PSG4: variants seen among roughly 807,000 people sequenced by gnomAD.
The protein encoded by PSG4 is pregnancy-specific beta-1-glycoprotein 4.
A neutral mutation model predicts 44.3 loss-of-function variants in PSG4; 61 were observed. The ratio of observed to expected loss-of-function variants is 1.38; its 90% CI spans 1.12 to 1.70. PSG4 has a LOEUF of 1.70. Among genes scored for constraint, PSG4 ranks in the 40% most tolerant of loss-of-function variants. PSG4 has a pLI of 0.00. For missense variants in PSG4, 677 were observed against 511.7 expected (o/e 1.32, Z -3.12); for synonymous variants, 248 against 191.3 (o/e 1.30, Z -2.45).
At position 43,194,547 on chromosome 19, in the gene PSG4, A is replaced by C; in HGVS notation, c.1036T>G (p.Ser346Ala). 1.2e-6 allele frequency: 2 copies of C among 1,612,452 alleles called. No individual in the cohort carries two copies. The highest frequency in any genetic ancestry group is 1.7e-6 in the Non-Finnish European group (2 of 1,179,094). The change falls in exon 5 of 6, where the codon TCA becomes GCA. Residue 346 changes from serine (S) to alanine (A), a missense_variant. Physicochemically the swap from Ser to Ala is moderately conservative, Grantham distance 99. Coordinates refer to ENST00000405312, the MANE Select transcript of PSG4 (RefSeq NM_002780.5). ...SIYPSFTYYR[S>A]GENLYLSCFA... ...CAGGACAAGTAGAGGTTTTCTCCTG[A>C]ACGGTAATAGGTGAATGAAGGGTAA...
intron 2 of PSG4, among the ~76,000 whole-genome samples, chr19:43,199,192 T>C (rs1348500644): frequency 2.7e-5 from 4 of 145,850 alleles, no homozygotes; most frequent in Non-Finnish European, 6.0e-5. Flanking sequence ...TGGGAAGAAG[T>C]CTTGCAGATA....
At position 43,194,518 on chromosome 19, in the gene PSG4, G is replaced by A. The variant is rs750645663; in HGVS notation, c.1065C>T (p.Phe355=). Residue 355 remains phenylalanine (F), a synonymous_variant, in exon 5 of 6, where the codon TTC becomes TTT. Transcript: ENST00000405312. ...ATTGTGCCCGTGGGTTAGACTCGGCGAAGCAGGACAAGTAGAGGTTTTCTC... is the reference window on the plus strand; with the variant it reads ...ATTGTGCCCGTGGGTTAGACTCGGCAAAGCAGGACAAGTAGAGGTTTTCTC... ...RSGENLYLSC[F]AESNPRAQYS... 47 of 1,612,450 alleles carry A rather than the reference G, an allele frequency of 2.9e-5. 2 individuals are homozygous for A. The highest frequency in any genetic ancestry group is 1.6e-4 in the Middle Eastern group (1 of 6,074).
At position 43,194,772 on chromosome 19, in the gene PSG4, T is replaced by A. The variant is rs187149135; in HGVS notation, c.989-178A>T. The A allele has an allele frequency of 5.6e-3, 7,917 of 1,415,302 alleles. 148 individuals are homozygous for A. Among genetic ancestry groups the A allele is most frequent in the Non-Finnish European group, 6.3e-3 (6,652 of 1,057,096 alleles). 87.7% of individuals were successfully genotyped at this position (1,415,302 alleles called of 1,614,324 possible). Reference sequence around the variant, plus strand: ...ATTCACCTGTTTCTCCCATCACAAGTTTTAGGCCCCAAGTCTCCCATGACA... The same window carrying A: ...ATTCACCTGTTTCTCCCATCACAAGATTTAGGCCCCAAGTCTCCCATGACA... On this transcript the variant is annotated intron_variant, in intron 4 of 5. Transcript: ENST00000405312.
At chr19:43,194,798 A>C in intron 4 of PSG4, 197 bp downstream of exon 4, 2 of 1,423,066 alleles carry the variant, frequency 1.4e-6, no homozygotes, top group Non-Finnish European at 1.9e-6. Flanking sequence ...TCCCATGACA[A>C]GAGCGTCCCC....
chr19:43,194,379 C>T lies in PSG4; in HGVS notation c.1204G>A (p.Gly402Ser), dbSNP rs1351442395. 3 of 1,612,292 alleles carry T rather than the reference C, an allele frequency of 1.9e-6. No individual in the cohort carries two copies. The highest frequency in any genetic ancestry group is 1.7e-5 in the Admixed American group (1 of 59,846). Residue 402 changes from glycine to serine, a missense_variant, in exon 5 of 6, where the codon GGC becomes AGC. Coordinates refer to ENST00000405312, the MANE Select transcript of PSG4 (RefSeq NM_002780.5). ...GTGATGGATTTGGAGCTTTCCTTGC[C>T]AGTGGCTGAGTTACGAACAGAGCAA... ...YACSVRNSAT[G>S]KESSKSITVK...
chr19:43,197,867 T>C (rs1967319350), intron 3 of PSG4, 130 bp downstream of exon 3: 2 of 1,557,274 alleles, frequency 1.3e-6, no homozygotes, highest in Middle Eastern at 1.9e-4. Context: ...GGGCAGAAAG[T>C]CATGGCCAGC....
chr19:43,202,945 TGTGTTG>T (rs1967587361), intron 2 of PSG4: 1 of 147,624 alleles, frequency 6.8e-6, no homozygotes, highest in Admixed American at 6.7e-5. Flanking sequence ...ATCTCCCCTT[TGTGTTG>T]GTGTGACTCT....
intron 4 of PSG4, 120 bp downstream of exon 4, chr19:43,194,875 C>G (rs1967167368): frequency 6.5e-7 from 1 of 1,535,098 alleles, no homozygotes; most frequent in Non-Finnish European, 8.7e-7. Flanking sequence ...TCATGGCCAC[C>G]TCGGATGTCC....
chr19:43,193,426 G>C (rs745871039), intron 5 of PSG4, 38 bp from the exon 6 acceptor site: 1 of 761,108 alleles, frequency 1.3e-6, no homozygotes, highest in South Asian at 1.3e-5. Flanking sequence ...ACAATGAACA[G>C]AGCTGCAATC....
In PSG4 at chr19:43,201,091, G is replaced by C. The variant is rs145958360; in HGVS notation, c.430+2795C>G. On this transcript the variant is annotated intron_variant, in intron 2 of 5. Coordinates refer to ENST00000405312, the MANE Select transcript of PSG4 (RefSeq NM_002780.5). ...AGGCCTGTCCAGCCTCTGACACCCT[G>C]GTGAGTCAGTGCAAAGATTACAGCA... Among the ~76,000 whole-genome samples, 427 of 145,570 alleles carry C rather than the reference G, an allele frequency of 2.9e-3. 68 individuals are homozygous for C. The highest frequency in any genetic ancestry group is 0.011 in the African/African-American group (405 of 38,082).
chr19:43,198,111 T>C lies in PSG4; in HGVS notation c.595A>G (p.Asn199Asp). The change falls in exon 3 of 6, where the codon AAC becomes GAC. Residue 199 changes from asparagine to aspartate, a missense_variant. Transcript: ENST00000405312. Reference sequence around the variant, plus strand: ...ACACCAAATATAAAGAGGGTCCTGTTGGTTTTGGACAGCTGCAACCTGTGA... The same window carrying C: ...ACACCAAATATAAAGAGGGTCCTGTCGGTTTTGGACAGCTGCAACCTGTGA... ...MTHRLQLSKT[N>D]RTLFIFGVTK... is the part of the protein sequence containing the mutation. 1 of 1,587,812 alleles carries C rather than the reference T, an allele frequency of 6.3e-7. No homozygotes were observed.
rs1967730468 is a variant in PSG4 at position 43,205,276 on chromosome 19, T to A, written c.64+197A>T. On this transcript the variant is annotated intron_variant, in intron 1 of 5. Coordinates refer to ENST00000405312, the MANE Select transcript of PSG4 (RefSeq NM_002780.5). ...GAGCACACCACTATACCTGGTTAAT[T>A]TTTTGTGTTTTTAGTAGAGACAGGG... Among the ~76,000 whole-genome samples the A allele has an allele frequency of 1.4e-5, 2 of 142,550 alleles. 1 individual carries two copies. The highest frequency in any genetic ancestry group is 3.0e-5 in the Non-Finnish European group (2 of 66,592). The allele number at this position is 142,550 out of a possible 152,430, so 93.5% of individuals were successfully genotyped here.
intron 3 of PSG4, among the ~76,000 whole-genome samples, chr19:43,195,888 A>G (rs1338564021): frequency 6.7e-6 from 1 of 150,340 alleles, no homozygotes; most frequent in African/African-American, 2.5e-5. Flanking sequence ...GTGTTTCATG[A>G]TGACTTACTT....
At chr19:43,204,371 C>T (rs973619300) in intron 1 of PSG4, 120 bp from the exon 2 acceptor site, 3 of 1,272,054 alleles carry the variant, frequency 2.4e-6, no homozygotes, top group South Asian at 1.5e-5. Context: ...CACATACAAA[C>T]ACATACACAC....
chr19:43,205,591 C>A lies in PSG4; in HGVS notation c.-55G>T. The A allele has an allele frequency of 6.7e-7, 1 of 1,484,152 alleles. No individual in the cohort carries two copies. The highest frequency in any genetic ancestry group is 1.2e-5 in the South Asian group (1 of 84,806). The allele number at this position is 1,484,152 out of a possible 1,614,324, so 91.9% of individuals were successfully genotyped here. On this transcript the variant is annotated 5_prime_UTR_variant, in exon 1 of 6. Transcript: ENST00000405312. ...TGGAGATAAGCCTAGGATCCAGAAG[C>A]TTCCTGAGTACGGCTGTCAGCTGTG...
intron 1 of PSG4, among the ~76,000 whole-genome samples, chr19:43,205,246 T>A (rs1382768713): frequency 7.0e-6 from 1 of 142,656 alleles, no homozygotes; most frequent in Non-Finnish European, 1.5e-5. Context: ...TAGCTATGAT[T>A]ACAGGAGCAC....
At chr19:43,194,653 G>A in intron 4 of PSG4, 59 bp from the exon 5 acceptor site, 4 of 1,566,324 alleles carry the variant, frequency 2.6e-6, no homozygotes, top group Non-Finnish European at 3.5e-6. Flanking sequence ...GATGTTCCTG[G>A]TCTCTTAAAG....
chr19:43,193,658 C>A, intron 5 of PSG4: 1 of 563,228 alleles, frequency 1.8e-6, no homozygotes, highest in Non-Finnish European at 3.1e-6. Context: ...TATAAGGACT[C>A]TCAGATTAAA....
chr19:43,199,683 G>A (rs1967417895), intron 2 of PSG4, among the ~76,000 whole-genome samples: 1 of 144,872 alleles, frequency 6.9e-6, no homozygotes, highest in Non-Finnish European at 1.5e-5. Context: ...AAGTTGTCAG[G>A]AATTTAGACC....
Sources: allele counts gnomAD v4.1 joint callset (sites outside exome capture counted in the v4.1 genomes callset), GRCh38; gene constraint gnomAD v4.1.1; transcripts MANE v1.5; gene names NCBI Gene and HGNC (gene_info 2026-07-23, HGNC 2026-07-21).